SEMA3A: variants seen among roughly 807,000 people sequenced by gnomAD.
The protein encoded by SEMA3A is semaphorin-3A.
SEMA3A carries 29 observed loss-of-function variants against 97.9 expected under a neutral mutation model. That is an observed-to-expected ratio of 0.30 (90% CI 0.22 to 0.40). SEMA3A has a LOEUF of 0.40. Among genes scored for constraint, SEMA3A ranks in the 10% least tolerant of loss-of-function variants. The pLI, the probability that SEMA3A is intolerant of heterozygous loss-of-function variation, is 1.00. For missense variants in SEMA3A, 763 were observed against 951.3 expected (o/e 0.80, Z 2.60); for synonymous variants, 321 against 323.7 (o/e 0.99, Z 0.09).
intron 1 of SEMA3A, chr7:84,372,274 T>A (rs1319504131): frequency 6.6e-6 from 1 of 152,132 alleles, no homozygotes. Context: ...GCTATCTTCT[T>A]TCACACTCTG....
intron 1 of SEMA3A, among the ~76,000 whole-genome samples, chr7:84,171,105 C>T (rs1797369871): frequency 6.6e-6 from 1 of 151,998 alleles, no homozygotes; most frequent in African/African-American, 2.4e-5. Context: ...CACTATCACA[C>T]TGAATTATAA....
At chr7:84,100,789 C>A (rs1477492076) in intron 4 of SEMA3A, among the ~76,000 whole-genome samples, 2 of 152,192 alleles carry the variant, frequency 1.3e-5, no homozygotes, top group Non-Finnish European at 2.9e-5. Flanking sequence ...TTGTTAATTG[C>A]AGTTGAGCAG....
At position 84,026,185 on chromosome 7, in the gene SEMA3A, C is replaced by T. The variant is rs1002673559; in HGVS notation, c.668-11834G>A. 5.3e-5 allele frequency among the ~76,000 whole-genome samples: 8 copies of T among 152,108 alleles called. No individual in the cohort carries two copies. The East Asian group carries it at 5.8e-4, about 11-fold the overall frequency. On this transcript the variant is annotated intron_variant, in intron 6 of 16. Transcript: ENST00000265362. ...CAAGCATAAATACATAAAGTCATCA[C>T]GAACATCACTGTGGTGTGGAGTGCC...
chr7:84,116,147 A>T (rs1795423441), intron 3 of SEMA3A, among the ~76,000 whole-genome samples: 1 of 152,120 alleles, frequency 6.6e-6, no homozygotes, highest in African/African-American at 2.4e-5. Context: ...ATCAAAAATT[A>T]ATTTTTGTTG....
At chr7:84,233,719 C>T (rs1292342189) in intron 3 of SEMA3A, among the ~76,000 whole-genome samples, 2 of 151,962 alleles carry the variant, frequency 1.3e-5, no homozygotes, top group Non-Finnish European at 2.9e-5. Context: ...GTAGATTCTT[C>T]CTACTGTTTT....
At chr7:84,235,712 A>T (rs1799221109) in intron 3 of SEMA3A, among the ~76,000 whole-genome samples, 1 of 152,074 alleles carries the variant, frequency 6.6e-6, no homozygotes, top group Admixed American at 6.6e-5. Context: ...ATAAAGACCA[A>T]TTATCAATGA....
chr7:83,973,699 T>C (rs564310795), intron 15 of SEMA3A, among the ~76,000 whole-genome samples: 1 of 152,274 alleles, frequency 6.6e-6, no homozygotes, highest in East Asian at 1.9e-4. Context: ...TAAATTGAGA[T>C]GGACAGTTAT....
chr7:84,001,250 T>C (rs1378426477), intron 12 of SEMA3A, among the ~76,000 whole-genome samples: 2 of 152,048 alleles, frequency 1.3e-5, no homozygotes, highest in African/African-American at 2.4e-5. Context: ...AACAGACACA[T>C]GGTATATGTT....
chr7:84,009,839 AAG>A (rs1344780083), intron 9 of SEMA3A, among the ~76,000 whole-genome samples: 1 of 150,772 alleles, frequency 6.6e-6, no homozygotes, highest in Non-Finnish European at 1.5e-5. Flanking sequence ...CCCGTGGAGA[AAG>A]AGCAGGAAAA....
At chr7:84,355,546 G>A (rs114335208) in intron 2 of SEMA3A, among the ~76,000 whole-genome samples, 74 of 151,972 alleles carry the variant, frequency 4.9e-4, no homozygotes, top group African/African-American at 1.7e-3. Context: ...ACAAGAGTGA[G>A]AAGAGGTTGA....
At chr7:84,125,287 T>C (rs1222401648) in intron 3 of SEMA3A, among the ~76,000 whole-genome samples, 5 of 152,234 alleles carry the variant, frequency 3.3e-5, no homozygotes, top group African/African-American at 4.8e-5. Context: ...TTTATATTTT[T>C]TCAGAATCTT....
At chr7:84,062,256 A>G (rs966263440) in intron 4 of SEMA3A, among the ~76,000 whole-genome samples, 4 of 152,342 alleles carry the variant, frequency 2.6e-5, no homozygotes, top group Admixed American at 2.0e-4. Flanking sequence ...GTTTATATAC[A>G]TCACTAAATT....
intron 1 of SEMA3A, among the ~76,000 whole-genome samples, chr7:84,400,985 A>G (rs561587364): frequency 6.6e-6 from 1 of 152,298 alleles, no homozygotes; most frequent in Admixed American, 6.5e-5. Context: ...TACTTTCACC[A>G]CTTTTATTAA....
At chr7:84,087,370 G>A (rs1794414785) in intron 4 of SEMA3A, among the ~76,000 whole-genome samples, 1 of 152,174 alleles carries the variant, frequency 6.6e-6, no homozygotes, top group South Asian at 2.1e-4. Flanking sequence ...AATTGGCATA[G>A]TGTGTAGACA....
intron 7 of SEMA3A, among the ~76,000 whole-genome samples, chr7:84,012,575 A>C (rs1790925946): frequency 6.6e-6 from 1 of 152,220 alleles, no homozygotes; most frequent in Admixed American, 6.5e-5. Context: ...TACAAAAAAT[A>C]GATCTCAAAC....
chr7:83,985,352 G>T, intron 13 of SEMA3A, 84 bp downstream of exon 13: 1 of 958,990 alleles, frequency 1.0e-6, no homozygotes, highest in South Asian at 1.5e-5. Flanking sequence ...ACAAATCTGT[G>T]AAATTTGATA....
At chr7:84,128,889 C>T (rs898596869) in intron 3 of SEMA3A, among the ~76,000 whole-genome samples, 2 of 151,710 alleles carry the variant, frequency 1.3e-5, no homozygotes, top group African/African-American at 2.4e-5. Flanking sequence ...TCAGCATCCC[C>T]GAGGGAAAAA....
chr7:84,170,752 A>G (rs1050840320), intron 1 of SEMA3A, among the ~76,000 whole-genome samples: 1 of 152,088 alleles, frequency 6.6e-6, no homozygotes, highest in Non-Finnish European at 1.5e-5. Context: ...CTCTTGCTGC[A>G]TAAAGGGATT....
chr7:84,018,817 C>T (rs577397745), intron 6 of SEMA3A, among the ~76,000 whole-genome samples: 1 of 152,270 alleles, frequency 6.6e-6, no homozygotes, highest in African/African-American at 2.4e-5. Flanking sequence ...GGCCTACTGG[C>T]TCTGGACAAA....
Sources: gnomAD v4.1 joint callset for allele counts (sites outside exome capture counted in the v4.1 genomes callset) on GRCh38, gnomAD v4.1.1 for gene constraint, MANE v1.5 for transcripts, NCBI Gene and HGNC (gene_info 2026-07-23, HGNC 2026-07-21) for gene names.